Variants in IQCM observed in about 807,000 individuals in gnomAD.
IQCM encodes IQ motif containing M, also known as IQ domain-containing protein M.
In IQCM, 45 loss-of-function variants were observed where a neutral mutation model predicts 57.6. The observed-to-expected ratio is 0.78, with a 90% confidence interval of 0.62 to 1.00. The LOEUF (loss-of-function observed/expected upper bound fraction) is 1.00. Ranked by LOEUF, IQCM falls within the 50% of genes least tolerant of loss-of-function variation. IQCM has a pLI of 0.00. For missense variants in IQCM, 468 were observed against 511.6 expected (o/e 0.91, Z 0.82); for synonymous variants, 148 against 158.9 (o/e 0.93, Z 0.51).
intron 13 of IQCM, among the ~76,000 whole-genome samples, chr4:149,366,601 C>G (rs941947451): frequency 1.3e-5 from 2 of 151,786 alleles, no homozygotes; most frequent in Non-Finnish European, 2.9e-5. Context: ...ACTTTTAATA[C>G]TATATTTTTC....
chr4:149,617,336 T>C (rs1388600058), intron 8 of IQCM, among the ~76,000 whole-genome samples: 1 of 152,192 alleles, frequency 6.6e-6, no homozygotes, highest in Non-Finnish European at 1.5e-5. Flanking sequence ...GTGTTGGTAT[T>C]TTAAAAAATA....
intron 2 of IQCM, among the ~76,000 whole-genome samples, chr4:149,795,898 C>T (rs1773067001): frequency 6.6e-6 from 1 of 152,106 alleles, no homozygotes; most frequent in African/African-American, 2.4e-5. Flanking sequence ...CTGTAAGAGC[C>T]CTTTGGCACT....
intron 8 of IQCM, among the ~76,000 whole-genome samples, chr4:149,593,814 A>T (rs927855818): frequency 2.6e-5 from 4 of 152,094 alleles, no homozygotes; most frequent in Non-Finnish European, 5.9e-5. Context: ...AGCCCAGTTG[A>T]TCATGGTGGA....
In IQCM at chr4:149,354,377, A is replaced by AAAAAAAAAAAAC. The variant is rs1728800671; in HGVS notation, c.1391-2312_1391-2311insGTTTTTTTTTTT. ...AGACTCCGTCTCAAAAAAAAAAAAA[A>AAAAAAAAAAAAC]AAAAAAAAAAAACTGACAAATTAGG... On this transcript the variant is annotated intron_variant, in intron 13 of 13. Transcript: ENST00000636793. Among the ~76,000 whole-genome samples, 2 of 141,978 alleles carry AAAAAAAAAAAAC rather than the reference A, an allele frequency of 1.4e-5. 1 individual carries two copies. Among genetic ancestry groups the AAAAAAAAAAAAC allele is most frequent in the Admixed American group, 1.4e-4 (2 of 14,056 alleles). 93.1% of individuals were successfully genotyped at this position (141,978 alleles called of 152,430 possible).
chr4:149,806,179 G>A (rs2150058436), intron 2 of IQCM, among the ~76,000 whole-genome samples: 1 of 151,830 alleles, frequency 6.6e-6, no homozygotes, highest in Admixed American at 6.6e-5. Flanking sequence ...TAATTTTTAT[G>A]TACATGCTTT....
intron 13 of IQCM, among the ~76,000 whole-genome samples, chr4:149,401,924 T>C (rs1192069065): frequency 6.6e-6 from 1 of 151,830 alleles, no homozygotes; most frequent in African/African-American, 2.4e-5. Context: ...ACATTAATTA[T>C]ATTTTTAACA....
At chr4:149,502,119 T>C (rs962730821) in intron 12 of IQCM, among the ~76,000 whole-genome samples, 3 of 151,402 alleles carry the variant, frequency 2.0e-5, no homozygotes, top group Non-Finnish European at 4.4e-5. Flanking sequence ...TTTCTCTCAT[T>C]CAATGAATAA....
rs966908343 is a variant in IQCM at position 149,448,216 on chromosome 4, T to C, written c.1229-14659A>G. ...GAGTTAAGTGAAAAATAAAAATCTA[T>C]ATATAGCTGAAAGATTTTGAAAACT... On this transcript the variant is annotated intron_variant, in intron 12 of 13. Coordinates refer to ENST00000636793, the MANE Select transcript of IQCM (RefSeq NM_001363507.2). Among the ~76,000 whole-genome samples the C allele has an allele frequency of 4.0e-5, 6 of 151,632 alleles. No individual in the cohort carries two copies. In the Admixed American group the frequency reaches 4.0e-4, roughly 10 times the overall value.
chr4:149,760,611 A>G lies in IQCM; in HGVS notation c.-48-17872T>C, dbSNP rs73857755. ...GCCTTTTAGGCCAGAAATAATGATT[A>G]TTTTATTTAATTTTTATTAAAATAT... On this transcript the variant is annotated intron_variant, in intron 2 of 13. Coordinates refer to ENST00000636793, the MANE Select transcript of IQCM (RefSeq NM_001363507.2). 9.1e-3 allele frequency among the ~76,000 whole-genome samples: 1,378 copies of G among 152,158 alleles called. 11 individuals carry two copies. Among genetic ancestry groups the G allele is most frequent in the African/African-American group, 0.031 (1,277 of 41,552 alleles).
chr4:149,563,998 T>G, intron 9 of IQCM, 108 bp from the exon 10 acceptor site: 1 of 517,572 alleles, frequency 1.9e-6, no homozygotes, highest in Non-Finnish European at 3.0e-6. Flanking sequence ...AAATATATTA[T>G]AACTTGTACA....
intron 12 of IQCM, among the ~76,000 whole-genome samples, chr4:149,509,874 C>G (rs987907659): frequency 6.6e-6 from 1 of 151,978 alleles, no homozygotes; most frequent in Non-Finnish European, 1.5e-5. Context: ...AATGTACTCA[C>G]CTGTTTTTCA....
At chr4:149,512,451 C>T (rs1744526366) in intron 12 of IQCM, among the ~76,000 whole-genome samples, 1 of 152,120 alleles carries the variant, frequency 6.6e-6, no homozygotes, top group Admixed American at 6.6e-5. Context: ...ATTACAGATA[C>T]TTATTTAGCT....
chr4:149,539,611 G>A (rs1373874445), intron 12 of IQCM, among the ~76,000 whole-genome samples: 1 of 152,124 alleles, frequency 6.6e-6, no homozygotes, highest in Non-Finnish European at 1.5e-5. Context: ...GCTCATGCCT[G>A]TAATCCCAGT....
At chr4:149,710,347 A>G (rs1764469920) in intron 5 of IQCM, among the ~76,000 whole-genome samples, 1 of 152,124 alleles carries the variant, frequency 6.6e-6, no homozygotes, top group Non-Finnish European at 1.5e-5. Flanking sequence ...TTCTAAATGT[A>G]TAGTGTCTAT....
At chr4:149,554,161 G>T (rs1749311575) in intron 10 of IQCM, among the ~76,000 whole-genome samples, 1 of 151,988 alleles carries the variant, frequency 6.6e-6, no homozygotes, top group Admixed American at 6.6e-5. Flanking sequence ...CGCTGAGTTG[G>T]CTTTCCTTTT....
At chr4:149,757,861 A>C (rs1769135901) in intron 2 of IQCM, among the ~76,000 whole-genome samples, 1 of 152,102 alleles carries the variant, frequency 6.6e-6, no homozygotes, top group Admixed American at 6.6e-5. Context: ...TGTCTCAATA[A>C]ATGTTAAACA....
At chr4:149,710,496 G>A (rs1764478631) in intron 5 of IQCM, among the ~76,000 whole-genome samples, 1 of 151,978 alleles carries the variant, frequency 6.6e-6, no homozygotes, top group Non-Finnish European at 1.5e-5. Context: ...TATAGAAACA[G>A]GCAATCCATG....
intron 12 of IQCM, among the ~76,000 whole-genome samples, chr4:149,486,031 C>CTG (rs1238511010): frequency 1.9e-5 from 2 of 105,396 alleles, no homozygotes; most frequent in Non-Finnish European, 3.8e-5. Flanking sequence ...CTCTCTCTCT[C>CTG]TCTCTCTCTC....
At chr4:149,795,560 G>A (rs942343700) in intron 2 of IQCM, among the ~76,000 whole-genome samples, 4 of 152,086 alleles carry the variant, frequency 2.6e-5, no homozygotes, top group Admixed American at 2.6e-4. Context: ...ATGGACTCAC[G>A]GGACATGCAA....
Sources: gnomAD v4.1 joint callset for allele counts (sites outside exome capture counted in the v4.1 genomes callset) on GRCh38, gnomAD v4.1.1 for gene constraint, MANE v1.5 for transcripts, NCBI Gene and HGNC (gene_info 2026-07-23, HGNC 2026-07-21) for gene names.